The following OPCML variants were observed in gnomAD, a reference collection of about 807,000 sequenced individuals.
OPCML encodes the protein opioid binding protein/cell adhesion molecule like.
In OPCML, 13 loss-of-function variants were observed where a neutral mutation model predicts 37.8. The ratio of observed to expected loss-of-function variants is 0.34; its 90% CI spans 0.22 to 0.55. OPCML has a LOEUF of 0.55. OPCML is among the 20% of genes least tolerant of loss of function. The pLI, the probability that OPCML is intolerant of heterozygous loss-of-function variation, is 0.91. For missense variants in OPCML, 341 were observed against 435.6 expected (o/e 0.78, Z 1.93); for synonymous variants, 176 against 168.8 (o/e 1.04, Z -0.33).
chr11:132,650,943 G>A (rs1422250340), intron 3 of OPCML, among the ~76,000 whole-genome samples: 2 of 152,116 alleles, frequency 1.3e-5, no homozygotes, highest in Non-Finnish European at 2.9e-5. Context: ...TAATATTTAG[G>A]AAAAGAGGAG....
At chr11:132,612,291 T>A (rs1225653375) in intron 3 of OPCML, among the ~76,000 whole-genome samples, 1 of 152,224 alleles carries the variant, frequency 6.6e-6, no homozygotes, top group African/African-American at 2.4e-5. Context: ...ATTAATTTAT[T>A]GTGAACGCAA....
chr11:132,750,561 G>T (rs1290359476), intron 2 of OPCML, among the ~76,000 whole-genome samples: 1 of 152,174 alleles, frequency 6.6e-6, no homozygotes, highest in African/African-American at 2.4e-5. Flanking sequence ...ATAGCAGCAA[G>T]TCAAGAACGA....
At chr11:132,814,394 T>C (rs1174249663) in intron 2 of OPCML, among the ~76,000 whole-genome samples, 1 of 152,094 alleles carries the variant, frequency 6.6e-6, no homozygotes, top group East Asian at 1.9e-4. Flanking sequence ...TTCAGTCCAG[T>C]GCAAAGGCCT....
chr11:133,457,885 G>A (rs181478417), intron 1 of OPCML, among the ~76,000 whole-genome samples: 12 of 152,174 alleles, frequency 7.9e-5, no homozygotes, highest in African/African-American at 1.4e-4. Context: ...GGTGGCTCAC[G>A]CCTATAATCC....
chr11:133,498,619 C>T (rs986382508), intron 1 of OPCML, among the ~76,000 whole-genome samples: 36 of 152,190 alleles, frequency 2.4e-4, no homozygotes, highest in African/African-American at 8.2e-4. Flanking sequence ...ACTCAAAGAA[C>T]AAGTGCGGTC....
At chr11:133,418,478 A>C (rs1592280404) in intron 1 of OPCML, 1 of 985,166 alleles carries the variant, frequency 1.0e-6, no homozygotes, top group African/African-American at 1.7e-5. Context: ...TGGTTGGGTA[A>C]AAGATAAAAT....
chr11:132,447,035 C>G (rs151102876), intron 4 of OPCML, among the ~76,000 whole-genome samples: 201 of 152,276 alleles, frequency 1.3e-3, no homozygotes, highest in Middle Eastern at 3.4e-3. Flanking sequence ...CAAAGCAGAC[C>G]TACAGGGCTG....
At chr11:132,813,966 C>T (rs1408654594) in intron 2 of OPCML, among the ~76,000 whole-genome samples, 2 of 152,180 alleles carry the variant, frequency 1.3e-5, no homozygotes, top group African/African-American at 2.4e-5. Context: ...ACGTGTCCAT[C>T]GCCTTCACAA....
At chr11:132,855,675 C>T (rs1445962179) in intron 2 of OPCML, among the ~76,000 whole-genome samples, 1 of 152,202 alleles carries the variant, frequency 6.6e-6, no homozygotes, top group Non-Finnish European at 1.5e-5. Context: ...CAGATGTCTG[C>T]AGACTCAGCT....
At position 133,206,923 on chromosome 11, in the gene OPCML, C is replaced by T. The variant is rs751990045; in HGVS notation, c.62-263913G>A. Reference sequence around the variant, plus strand: ...ATCACCAATGACTGAGAAGCGAGGCCCGGATCACGTAATCCAGATGTTGCT... The same window carrying T: ...ATCACCAATGACTGAGAAGCGAGGCTCGGATCACGTAATCCAGATGTTGCT... On this transcript the variant is annotated intron_variant, in intron 1 of 7. Transcript: ENST00000524381. This position sits in a 1 kb window ranked among gnomAD's most constrained non-coding sequence, Gnocchi z 4.7. Among the ~76,000 whole-genome samples the T allele has an allele frequency of 3.3e-5, 5 of 152,002 alleles. No individual in the cohort carries two copies. Among genetic ancestry groups the T allele is most frequent in the Admixed American group, 6.6e-5 (1 of 15,236 alleles).
intron 1 of OPCML, among the ~76,000 whole-genome samples, chr11:133,505,955 C>T (rs1272778774): frequency 6.6e-6 from 1 of 152,190 alleles, no homozygotes; most frequent in Non-Finnish European, 1.5e-5. Context: ...GCACCATTTT[C>T]TTCCCCTTGA....
chr11:133,444,022 C>T (rs771391345), intron 1 of OPCML, among the ~76,000 whole-genome samples: 2 of 152,098 alleles, frequency 1.3e-5, no homozygotes, highest in African/African-American at 2.4e-5. Flanking sequence ...GCCTGAGACT[C>T]GGAAGATCAG....
chr11:133,375,949 G>A (rs4537766), intron 1 of OPCML, among the ~76,000 whole-genome samples: 33,672 of 152,106 alleles, frequency 0.22, 5,291 homozygotes, highest in African/African-American at 0.44. Flanking sequence ...AAAGTTTGAA[G>A]ATGATATTTT....
At chr11:132,690,841 G>A (rs1374666668) in intron 2 of OPCML, among the ~76,000 whole-genome samples, 1 of 152,188 alleles carries the variant, frequency 6.6e-6, no homozygotes, top group Non-Finnish European at 1.5e-5. Flanking sequence ...GGACTATTCT[G>A]TATGTGTTAG....
intron 1 of OPCML, among the ~76,000 whole-genome samples, chr11:133,207,717 A>T (rs1365793406): frequency 1.3e-5 from 2 of 152,218 alleles, no homozygotes; most frequent in African/African-American, 4.8e-5. Context: ...ATCCAGACTC[A>T]GATGGCAATG....
intron 3 of OPCML, among the ~76,000 whole-genome samples, chr11:132,633,871 C>T (rs1940309807): frequency 1.3e-5 from 2 of 150,262 alleles, no homozygotes; most frequent in East Asian, 2.0e-4. Flanking sequence ...ACAAGAAAGA[C>T]GTTTATTACC....
chr11:133,352,371 G>A (rs761870180), intron 1 of OPCML, among the ~76,000 whole-genome samples: 19 of 152,134 alleles, frequency 1.2e-4, no homozygotes, highest in African/African-American at 2.2e-4. Flanking sequence ...CTTCTTGGCC[G>A]GGAATGCTCT....
At chr11:132,451,415 G>A (rs1449080337) in intron 4 of OPCML, among the ~76,000 whole-genome samples, 4 of 152,092 alleles carry the variant, frequency 2.6e-5, no homozygotes, top group African/African-American at 4.8e-5. Flanking sequence ...GGACACAGCA[G>A]GTGAATTCCT....
intron 1 of OPCML, among the ~76,000 whole-genome samples, chr11:133,085,222 G>A (rs1196359667): frequency 6.6e-6 from 1 of 152,166 alleles, no homozygotes; most frequent in African/African-American, 2.4e-5. Flanking sequence ...TGCCAGACAT[G>A]GGGCTCCACA....
Sources: gnomAD v4.1 joint callset for allele counts (sites outside exome capture counted in the v4.1 genomes callset) on GRCh38, gnomAD v4.1.1 for gene constraint, Gnocchi (gnomAD v3.1) non-coding constraint, MANE v1.5 for transcripts, NCBI Gene and HGNC (gene_info 2026-07-23, HGNC 2026-07-21) for gene names.